Variants in WRNIP1 observed in about 807,000 individuals in gnomAD.
WRNIP1 encodes the protein ATPase WRNIP1.
In WRNIP1, 41 loss-of-function variants were observed where a neutral mutation model predicts 56.1. That is an observed-to-expected ratio of 0.73 (90% CI 0.57 to 0.95). WRNIP1 has a LOEUF of 0.95. Ranked by LOEUF, WRNIP1 falls within the 40% of genes least tolerant of loss-of-function variation. The pLI is 0.00. For missense variants in WRNIP1, 1,170 were observed against 939.4 expected (o/e 1.25, Z -3.21); for synonymous variants, 547 against 398.1 (o/e 1.37, Z -4.45).
chr6:2,785,588 G>C lies in WRNIP1; in HGVS notation c.*306G>C. 1 of 322,214 alleles carries C rather than the reference G, an allele frequency of 3.1e-6. No individual in the cohort carries two copies. Among genetic ancestry groups the C allele is most frequent in the Non-Finnish European group, 5.7e-6 (1 of 175,616 alleles). 20.0% of individuals were successfully genotyped at this position (322,214 alleles called of 1,614,324 possible). A position where few individuals can be genotyped will look rare whatever the true frequency, so the allele number is the denominator to read the frequency against. Reference sequence around the variant, plus strand: ...GTATTTAAGTCATAATGTCATTTCAGAATTCAGTTCTGTAGGATTTTCTTT... The same window carrying C: ...GTATTTAAGTCATAATGTCATTTCACAATTCAGTTCTGTAGGATTTTCTTT... On this transcript the variant is annotated 3_prime_UTR_variant, in exon 7 of 7. Transcript: ENST00000380773.
At chr6:2,768,114 A>C (rs111937413) in intron 1 of WRNIP1, among the ~76,000 whole-genome samples, 1 of 152,194 alleles carries the variant, frequency 6.6e-6, no homozygotes, top group African/African-American at 2.4e-5. Context: ...AGTAATTGCT[A>C]ATGTGACCAC....
chr6:2,768,425 A>C (rs1314904471), intron 1 of WRNIP1, among the ~76,000 whole-genome samples: 1 of 152,230 alleles, frequency 6.6e-6, no homozygotes, highest in East Asian at 1.9e-4. Flanking sequence ...GTCACCCAAA[A>C]AGGAATCAAA....
chr6:2,768,692 C>G lies in WRNIP1; in HGVS notation c.824C>G (p.Thr275Ser). ...ILWGPPGCGK[T>S]TLAHIIASNS... The stretch of plus-strand genomic sequence containing the variant: ...CTCCATGTATGTCATCTTTTCTAGA[C>G]CACTCTGGCTCACATCATAGCCAGC... The change falls in exon 2 of 7, where the codon ACC becomes AGC. Residue 275 changes from threonine (T) to serine (S), a missense_variant and splice_region_variant. Thr to Ser is a moderately conservative substitution (Grantham distance 58). Transcript: ENST00000380773. The G allele has an allele frequency of 6.2e-7, 1 of 1,600,898 alleles. No individual in the cohort carries two copies. The highest frequency in any genetic ancestry group is 8.5e-7 in the Non-Finnish European group (1 of 1,172,748).
chr6:2,778,972 G>C (rs1482130092), intron 3 of WRNIP1, among the ~76,000 whole-genome samples: 1 of 152,192 alleles, frequency 6.6e-6, no homozygotes, highest in Non-Finnish European at 1.5e-5. Flanking sequence ...CCTGTCAACA[G>C]TGACTTTCCA....
In WRNIP1 at chr6:2,786,286, T is replaced by C. The variant is rs1235652838; in HGVS notation, c.*1004T>C. On this transcript the variant is annotated 3_prime_UTR_variant, in exon 7 of 7. Coordinates refer to ENST00000380773, the MANE Select transcript of WRNIP1 (RefSeq NM_020135.3). ...TCCTCTGCCTTTATTCTGAGTGAGA[T>C]GCCCATTTTCTGGATGCTCCATCCC... The C allele has an allele frequency of 6.6e-6, 1 of 152,538 alleles. No homozygotes were observed. The highest frequency in any genetic ancestry group is 1.5e-5 in the Non-Finnish European group (1 of 68,282). 9.4% of individuals were successfully genotyped at this position (152,538 alleles called of 1,614,324 possible). A position where few individuals can be genotyped will look rare whatever the true frequency, so the allele number is the denominator to read the frequency against.
In WRNIP1 at chr6:2,785,107, A is replaced by G; in HGVS notation, c.1823A>G (p.Gln608Arg). ...GTCAAAGCCTGCCTGAGGAACCACC[A>G]GGGGCCACTGCCCCCCGTGCCCCTG... The part of the protein sequence containing the change: ...NNVKACLRNH[Q>R]GPLPPVPLHL... The change falls in exon 7 of 7, where the codon CAG becomes CGG. Residue 608 changes from glutamine to arginine, a missense_variant. Transcript: ENST00000380773. 6.2e-7 allele frequency: 1 copy of G among 1,614,218 alleles called. No individual in the cohort carries two copies. Among genetic ancestry groups the G allele is most frequent in the Admixed American group, 1.7e-5 (1 of 60,016 alleles).
rs78417832 is a variant in WRNIP1 at position 2,781,676 on chromosome 6, G to A, written c.1487-1730G>A. 3.6e-3 allele frequency among the ~76,000 whole-genome samples: 546 copies of A among 152,318 alleles called. 3 individuals are homozygous for A. The highest frequency in any genetic ancestry group is 0.012 in the African/African-American group (507 of 41,562). ...AAACTCTCTGCCATGCATTGACATC[G>A]GGGTTCTATAGAAGTCGTCAGATTT... On this transcript the variant is annotated intron_variant, in intron 4 of 6. Coordinates refer to ENST00000380773, the MANE Select transcript of WRNIP1 (RefSeq NM_020135.3).
At chr6:2,781,915 G>A (rs574012519) in intron 4 of WRNIP1, among the ~76,000 whole-genome samples, 1 of 152,348 alleles carries the variant, frequency 6.6e-6, no homozygotes, top group South Asian at 2.1e-4. Flanking sequence ...CTTGCCCATG[G>A]CCCATGAGCT....
intron 4 of WRNIP1, 137 bp from the exon 5 acceptor site, chr6:2,783,269 C>A: frequency 1.1e-6 from 1 of 921,772 alleles, no homozygotes; most frequent in Non-Finnish European, 1.5e-6. Context: ...ACGGTTAAGG[C>A]AGCTGCCCAA....
intron 3 of WRNIP1, among the ~76,000 whole-genome samples, chr6:2,771,322 CT>C (rs1765270787): frequency 6.6e-6 from 1 of 152,222 alleles, no homozygotes; most frequent in Non-Finnish European, 1.5e-5. Context: ...GAGAATTCTG[CT>C]GTGTCTAATG....
At position 2,785,778 on chromosome 6, in the gene WRNIP1, A is replaced by T. The variant is rs991069082; in HGVS notation, c.*496A>T. ...ATTCTGTCATGGTTTTCCTGCCTGG[A>T]TGCTAGGTACCAGCGTTGTCACCAT... is the stretch of plus-strand genomic sequence containing the variant. On this transcript the variant is annotated 3_prime_UTR_variant, in exon 7 of 7. Transcript: ENST00000380773. 1.2e-5 allele frequency: 2 copies of T among 161,470 alleles called. No individual in the cohort carries two copies. The highest frequency in any genetic ancestry group is 1.2e-4 in the Admixed American group (2 of 16,814). The allele number at this position is 161,470 out of a possible 1,614,324, so 10.0% of individuals were successfully genotyped here. A position where few individuals can be genotyped will look rare whatever the true frequency, so the allele number is the denominator to read the frequency against.
At chr6:2,774,154 A>C in intron 3 of WRNIP1, 1 of 985,204 alleles carries the variant, frequency 1.0e-6, no homozygotes, top group African/African-American at 1.7e-5. Context: ...TTTATTTAAA[A>C]ATTTTTTAAG....
At chr6:2,769,089 A>G (rs1054693805) in intron 2 of WRNIP1, among the ~76,000 whole-genome samples, 6 of 152,198 alleles carry the variant, frequency 3.9e-5, no homozygotes, top group African/African-American at 1.4e-4. Context: ...TGATAAATGA[A>G]ATGGTTGGCA....
intron 5 of WRNIP1, 58 bp from the exon 6 acceptor site, chr6:2,784,266 G>A: frequency 6.4e-7 from 1 of 1,555,970 alleles, no homozygotes; most frequent in Admixed American, 1.7e-5. Context: ...CCTGCACATA[G>A]GCCAGGAGGA....
In WRNIP1 at chr6:2,766,443, AG is replaced by A; in HGVS notation, c.822+1del. The A allele has an allele frequency of 6.4e-7, 1 of 1,550,414 alleles. No individual in the cohort carries two copies. The highest frequency in any genetic ancestry group is 8.8e-7 in the Non-Finnish European group (1 of 1,141,486). On this transcript the variant is annotated frameshift_variant and splice_region_variant, in exon 1 of 7. Coordinates refer to ENST00000380773, the MANE Select transcript of WRNIP1 (RefSeq NM_020135.3). LOFTEE classifies it high-confidence loss of function. ...LILWGPPGCGKTTLAHIIASN... is the reference protein window; with the variant it reads ...LILWGPPGCGXTTLAHIIASN... ...CTGTGGGGGCCGCCGGGCTGCGGCA[AG>A]GTGAGTGCGGCCTTGGCCGTTGGGC...
intron 2 of WRNIP1, among the ~76,000 whole-genome samples, chr6:2,769,447 T>G (rs1765180851): frequency 6.6e-6 from 1 of 152,036 alleles, no homozygotes; most frequent in South Asian, 2.1e-4. Flanking sequence ...TGGGCTGAGA[T>G]CTGAGAGCTA....
chr6:2,783,832 C>T (rs1765641705), intron 5 of WRNIP1, among the ~76,000 whole-genome samples: 1 of 151,980 alleles, frequency 6.6e-6, no homozygotes, highest in South Asian at 2.1e-4. Flanking sequence ...TTTTTACTAA[C>T]ATGAGTGGCT....
chr6:2,786,613 C>G lies in WRNIP1; in HGVS notation c.*1331C>G, dbSNP rs1012334584. On this transcript the variant is annotated 3_prime_UTR_variant, in exon 7 of 7. Coordinates refer to ENST00000380773, the MANE Select transcript of WRNIP1 (RefSeq NM_020135.3). Reference sequence around the variant, plus strand: ...GTGTGGAGGAAAAGTATTTTTAGACCTCAGGAGACTCAAAATGCTTTTATT... The same window carrying G: ...GTGTGGAGGAAAAGTATTTTTAGACGTCAGGAGACTCAAAATGCTTTTATT... 1 of 152,220 alleles carries G rather than the reference C, an allele frequency of 6.6e-6. No homozygotes were observed. The highest frequency in any genetic ancestry group is 2.4e-5 in the African/African-American group (1 of 41,442). 9.4% of individuals were successfully genotyped at this position (152,220 alleles called of 1,614,324 possible). A position where few individuals can be genotyped will look rare whatever the true frequency, so the allele number is the denominator to read the frequency against.
Position 2,784,269 on chromosome 6 carries a change from C to A in WRNIP1, c.1643-55C>A, listed in dbSNP as rs1765654355. On this transcript the variant is annotated intron_variant, in intron 5 of 6. Coordinates refer to ENST00000380773, the MANE Select transcript of WRNIP1 (RefSeq NM_020135.3). ...GGTCTGTGGTCGCCTGCACATAGGC[C>A]AGGAGGACAGTGTGTGTCATGACTG... 1.9e-6 allele frequency: 3 copies of A among 1,560,562 alleles called. No homozygotes were observed. The East Asian group carries it at 6.8e-5, about 36-fold the overall frequency.
Sources: gnomAD v4.1 joint callset for allele counts (sites outside exome capture counted in the v4.1 genomes callset) on GRCh38, gnomAD v4.1.1 for gene constraint, MANE v1.5 for transcripts, NCBI Gene and HGNC (gene_info 2026-07-23, HGNC 2026-07-21) for gene names.